Variants in EDAR observed in about 807,000 individuals in gnomAD.
EDAR encodes tumor necrosis factor receptor superfamily member EDAR.
Under a neutral mutation model 51.3 loss-of-function variants are expected in EDAR, and 38 were observed. The observed-to-expected ratio is 0.74, with a 90% confidence interval of 0.57 to 0.97. The LOEUF (loss-of-function observed/expected upper bound fraction) is 0.97. EDAR is among the 50% of genes least tolerant of loss of function. The pLI is 0.00. For synonymous variants in EDAR, 227 were observed against 242.1 expected (o/e 0.94, Z 0.58); for missense variants, 528 against 595.0 (o/e 0.89, Z 1.17).
chr2:108,949,690 C>CCAGAGAGGCCACTGAA (rs1459846840), intron 1 of EDAR, among the ~76,000 whole-genome samples: 7 of 152,154 alleles, frequency 4.6e-5, no homozygotes, highest in Admixed American at 4.6e-4. Context: ...AATCATCCAA[C>CCAGAGAGGCCACTGAA]CAGAGAGGCC....
chr2:108,962,104 G>C (rs1471477569), intron 1 of EDAR, among the ~76,000 whole-genome samples: 1 of 152,164 alleles, frequency 6.6e-6, no homozygotes, highest in Non-Finnish European at 1.5e-5. Context: ...ATGTCCAAGT[G>C]AGACTGTGAA....
At chr2:108,929,668 G>A (rs1290602040) in intron 3 of EDAR, among the ~76,000 whole-genome samples, 3 of 152,268 alleles carry the variant, frequency 2.0e-5, no homozygotes, top group South Asian at 4.2e-4. Context: ...GGTAGCACTT[G>A]GCATCTGACT....
intron 8 of EDAR, 57 bp downstream of exon 8, chr2:108,910,719 C>T (rs906240797): frequency 5.6e-6 from 9 of 1,593,408 alleles, no homozygotes; most frequent in African/African-American, 5.4e-5. Flanking sequence ...CTGGGAACGC[C>T]CTCCACCCAG....
chr2:108,937,996 G>A (rs976106640), intron 1 of EDAR, among the ~76,000 whole-genome samples: 4 of 152,190 alleles, frequency 2.6e-5, no homozygotes, highest in East Asian at 1.9e-4. Flanking sequence ...TCTTGCACAC[G>A]TAGAATAATA....
At chr2:108,930,486 C>T (rs570975138) in intron 2 of EDAR, among the ~76,000 whole-genome samples, 2 of 152,236 alleles carry the variant, frequency 1.3e-5, no homozygotes, top group South Asian at 2.1e-4. Flanking sequence ...GCTGGCCAAG[C>T]CCCATCCCAC....
chr2:108,973,654 G>T lies in EDAR; in HGVS notation c.-19+15306C>A, dbSNP rs186529286. On this transcript the variant is annotated intron_variant, in intron 1 of 11. Coordinates refer to ENST00000258443, the MANE Select transcript of EDAR (RefSeq NM_022336.4). ...AGAAGGAGAAATGCACTTTCCAGGGGTCGTGTGTCCTAGAACCCATGCCAC... is the reference window on the plus strand; with the variant it reads ...AGAAGGAGAAATGCACTTTCCAGGGTTCGTGTGTCCTAGAACCCATGCCAC... Among the ~76,000 whole-genome samples, 436 of 152,280 alleles carry T rather than the reference G, an allele frequency of 2.9e-3. 1 individual carries two copies. Among genetic ancestry groups the T allele is most frequent in the Admixed American group, 5.8e-3 (88 of 15,296 alleles).
intron 1 of EDAR, among the ~76,000 whole-genome samples, chr2:108,981,467 G>A (rs1574417002): frequency 6.6e-6 from 1 of 152,130 alleles, no homozygotes; most frequent in Non-Finnish European, 1.5e-5. Flanking sequence ...TGGCCTTGGG[G>A]ATACAAAGAG....
chr2:108,979,053 C>T (rs1006305955), intron 1 of EDAR, among the ~76,000 whole-genome samples: 1 of 152,240 alleles, frequency 6.6e-6, no homozygotes, highest in East Asian at 1.9e-4. Flanking sequence ...CAGAGAGGTG[C>T]CAGCTTCAAA....
At position 108,956,796 on chromosome 2, in the gene EDAR, G is replaced by GT. The variant is rs796647211; in HGVS notation, c.-18-25765dup. Among the ~76,000 whole-genome samples, 66 of 146,594 alleles carry GT rather than the reference G, an allele frequency of 4.5e-4. 1 individual carries two copies. Among genetic ancestry groups the GT allele is most frequent in the African/African-American group, 1.1e-3 (42 of 39,656 alleles). On this transcript the variant is annotated intron_variant, in intron 1 of 11. Coordinates refer to ENST00000258443, the MANE Select transcript of EDAR (RefSeq NM_022336.4). The stretch of plus-strand genomic sequence containing the variant: ...AGGCGAAAGCTCTCTTTTTTTTTTT[G>GT]TTTTTTTTGAGACAGAGTTTTTGTT...
chr2:108,899,066 C>G (rs181780612), intron 11 of EDAR, among the ~76,000 whole-genome samples: 2 of 152,328 alleles, frequency 1.3e-5, no homozygotes, highest in Admixed American at 6.5e-5. Context: ...TCTACAGATT[C>G]AAGAAGATAA....
chr2:108,986,896 A>C (rs1698509066), intron 1 of EDAR, among the ~76,000 whole-genome samples: 1 of 152,160 alleles, frequency 6.6e-6, no homozygotes, highest in Non-Finnish European at 1.5e-5. Flanking sequence ...CCCCTAATTG[A>C]TCTAATGTGC....
At position 108,925,191 on chromosome 2, in the gene EDAR, C is replaced by G. The variant is rs572440415; in HGVS notation, c.357-1738G>C. ...TCCAGGGCAAGCCTTGTTCACGTCT[C>G]TATTCCTTGGACCTTGTGCTAGGTA... On this transcript the variant is annotated intron_variant, in intron 4 of 11. Transcript: ENST00000258443. Among the ~76,000 whole-genome samples the G allele has an allele frequency of 6.3e-3, 960 of 152,010 alleles. 10 individuals carry two copies. Among genetic ancestry groups the G allele is most frequent in the African/African-American group, 0.022 (921 of 41,494 alleles).
intron 1 of EDAR, among the ~76,000 whole-genome samples, chr2:108,977,545 C>T (rs917120208): frequency 1.1e-4 from 17 of 152,298 alleles, no homozygotes; most frequent in South Asian, 1.0e-3. Flanking sequence ...GCTGGGATTA[C>T]AGGCGTGAGC....
chr2:108,912,722 G>A lies in EDAR; in HGVS notation c.485C>T (p.Thr162Ile), dbSNP rs202139329. 59 of 1,603,166 alleles carry A rather than the reference G, an allele frequency of 3.7e-5. No homozygotes were observed. The highest frequency in any genetic ancestry group is 1.3e-5 in the African/African-American group (1 of 74,896). The part of the protein sequence containing the change: ...TSGASANFPG[T>I]SGSSTLSPFQ... ...GGGAGACAGGGTGCTGCTGCCCGAG[G>A]TGCCAGGGAAGTTGGCAGAAGCTCC... Residue 162 changes from threonine (T) to isoleucine (I), a missense_variant, in exon 6 of 12, where the codon ACC (threonine) becomes ATC (isoleucine). Coordinates refer to ENST00000258443, the MANE Select transcript of EDAR (RefSeq NM_022336.4).
At chr2:108,988,018 C>G (rs1014777025) in intron 1 of EDAR, among the ~76,000 whole-genome samples, 3 of 152,232 alleles carry the variant, frequency 2.0e-5, no homozygotes, top group Admixed American at 1.3e-4. Context: ...AAAAATGCCA[C>G]TTGAGAGCCA....
chr2:108,977,332 G>A (rs1281332017), intron 1 of EDAR, among the ~76,000 whole-genome samples: 1 of 152,108 alleles, frequency 6.6e-6, no homozygotes. Context: ...GCAGTGGCGC[G>A]ATCTCGGCTC....
intron 1 of EDAR, among the ~76,000 whole-genome samples, chr2:108,934,510 T>A (rs1379837396): frequency 6.6e-6 from 1 of 152,230 alleles, no homozygotes; most frequent in South Asian, 2.1e-4. Flanking sequence ...GGAGCACCTG[T>A]CTTAGTCTGC....
intron 11 of EDAR, among the ~76,000 whole-genome samples, chr2:108,902,489 T>C (rs1445252550): frequency 6.6e-6 from 1 of 152,228 alleles, no homozygotes; most frequent in Non-Finnish European, 1.5e-5. Context: ...TTCTACACGA[T>C]CTTTTCTAGA....
At chr2:108,966,447 A>G (rs948501120) in intron 1 of EDAR, among the ~76,000 whole-genome samples, 1 of 152,242 alleles carries the variant, frequency 6.6e-6, no homozygotes, top group African/African-American at 2.4e-5. Context: ...CACAGGGCAC[A>G]GGAAGGCCTA....
Sources: gnomAD v4.1 joint callset for allele counts (sites outside exome capture counted in the v4.1 genomes callset) on GRCh38, gnomAD v4.1.1 for gene constraint, MANE v1.5 for transcripts, NCBI Gene and HGNC (gene_info 2026-07-23, HGNC 2026-07-21) for gene names.